MRE11: variants seen among roughly 807,000 people sequenced by gnomAD.
MRE11 encodes the protein double-strand break repair protein MRE11.
MRE11 carries 62 observed loss-of-function variants against 91.7 expected under a neutral mutation model. The observed-to-expected ratio is 0.68, with a 90% CI of 0.55 to 0.84. The LOEUF (loss-of-function observed/expected upper bound fraction) is 0.84, where lower values mean the gene tolerates loss of function less well. Among genes scored for constraint, MRE11 ranks in the 40% least tolerant of loss-of-function variants. The pLI is 0.00. For missense variants in MRE11, 796 were observed against 852.9 expected, an observed-to-expected ratio of 0.93 and a Z score of 0.83; for synonymous variants, 273 against 271.4, an observed-to-expected ratio of 1.01 and a Z score of -0.06.
At chr11:94,478,484 C>T (rs1389643675) in intron 6 of MRE11, among the ~76,000 whole-genome samples, 1 of 152,026 alleles carries the variant, frequency 6.6e-6, no homozygotes, top group East Asian at 1.9e-4. Context: ...TGCAGTTTTG[C>T]TAATTATTCT....
chr11:94,484,726 C>T (rs982754518), intron 4 of MRE11, among the ~76,000 whole-genome samples: 1 of 152,142 alleles, frequency 6.6e-6, no homozygotes, highest in South Asian at 2.1e-4. Context: ...TATTCTCCCC[C>T]AAAACCTGTA....
rs1299953525 is a variant in MRE11, at chr11:94,437,183, A to G, written c.1920T>C (p.Tyr640=). 1.2e-6 allele frequency: 2 copies of G among 1,612,288 alleles called. No homozygotes were observed. Among genetic ancestry groups the G allele is most frequent in the African/African-American group, 1.3e-5 (1 of 74,860 alleles). Reference sequence around the variant, plus strand: ...ATAAAACTTTTTTTCTTACCTCTGAATAATTCTTAGTAGTGACATTTCGGG... The same window carrying G: ...ATAAAACTTTTTTTCTTACCTCTGAGTAATTCTTAGTAGTGACATTTCGGG... ...QPSRNVTTKN[Y]SEVIEVDESD... Residue 640 remains tyrosine (Y), a synonymous_variant, in exon 17 of 20, where the codon TAT becomes TAC. Coordinates refer to ENST00000323929, the MANE Select transcript of MRE11 (RefSeq NM_005591.4).
chr11:94,498,122 A>G (rs773323949), upstream of MRE11: 2 of 1,614,068 alleles, frequency 1.2e-6, no homozygotes, highest in South Asian at 1.1e-5. Context: ...CGTGAACACT[A>G]GGGATGAAGA....
chr11:94,434,310 G>A (rs967963635), intron 18 of MRE11, among the ~76,000 whole-genome samples: 5 of 151,940 alleles, frequency 3.3e-5, no homozygotes, highest in African/African-American at 1.2e-4. Context: ...ATTCTCAGTG[G>A]GGTCAGTATC....
At chr11:94,493,142 C>T (rs1339050950) in intron 1 of MRE11, among the ~76,000 whole-genome samples, 1 of 152,042 alleles carries the variant, frequency 6.6e-6, no homozygotes, top group African/African-American at 2.4e-5. Flanking sequence ...TCCTATTTTC[C>T]TTTCCCGTGC....
At chr11:94,435,744 A>G in intron 18 of MRE11, 88 bp downstream of exon 18, 4 of 1,120,338 alleles carry the variant, frequency 3.6e-6, no homozygotes, top group East Asian at 2.4e-5. Flanking sequence ...TTAAACTTAC[A>G]TGGCATAGAA....
the MRE11 span, among the ~76,000 whole-genome samples, chr11:94,511,852 G>A: frequency 6.6e-6 from 1 of 152,140 alleles, no homozygotes; most frequent in Non-Finnish European, 1.5e-5. Flanking sequence ...TTTTCTACTT[G>A]CTCTTCAAAT....
At chr11:94,431,659 A>C (rs1945464816) in intron 18 of MRE11, among the ~76,000 whole-genome samples, 1 of 152,234 alleles carries the variant, frequency 6.6e-6, no homozygotes, top group Non-Finnish European at 1.5e-5. Context: ...TTACTTAGCC[A>C]CTGTGCTTCA....
At chr11:94,431,845 G>T (rs997381453) in intron 18 of MRE11, among the ~76,000 whole-genome samples, 39 of 152,222 alleles carry the variant, frequency 2.6e-4, no homozygotes, top group African/African-American at 8.7e-4. Flanking sequence ...GAAATCGGCA[G>T]ACATTTATAC....
intron 13 of MRE11, among the ~76,000 whole-genome samples, chr11:94,458,610 A>T (rs1450296518): frequency 6.6e-6 from 1 of 152,174 alleles, no homozygotes; most frequent in East Asian, 1.9e-4. Flanking sequence ...GCTGAGTTAA[A>T]GGGTAAATCT....
chr11:94,495,642 G>A (rs1000055780), upstream of MRE11, among the ~76,000 whole-genome samples: 15 of 152,182 alleles, frequency 9.9e-5, no homozygotes, highest in Admixed American at 5.2e-4. Flanking sequence ...TATATGTTGT[G>A]TAACCCTTTA....
intron 5 of MRE11, among the ~76,000 whole-genome samples, chr11:94,479,168 A>G (rs1370743616): frequency 2.0e-5 from 3 of 152,234 alleles, no homozygotes; most frequent in African/African-American, 7.2e-5. Context: ...AATGCTTTGT[A>G]ATATTAAGCA....
At chr11:94,497,204 G>C, upstream of MRE11, 4 of 545,456 alleles carry the variant, frequency 7.3e-6, no homozygotes, top group Middle Eastern at 4.4e-4. Flanking sequence ...AAAGTCATTA[G>C]GATCATTTAG....
intron 16 of MRE11, among the ~76,000 whole-genome samples, chr11:94,438,882 G>A (rs933180959): frequency 6.6e-6 from 1 of 152,208 alleles, no homozygotes; most frequent in African/African-American, 2.4e-5. Flanking sequence ...CAGATAGAAA[G>A]CATTCAAATA....
chr11:94,504,989 A>AAGATTATAATGGAGC, the MRE11 span, among the ~76,000 whole-genome samples: 4 of 152,194 alleles, frequency 2.6e-5, no homozygotes, highest in Non-Finnish European at 5.9e-5. Flanking sequence ...AAAATTTCCT[A>AAGATTATAATGGAGC]TCACCCAGTG....
chr11:94,474,597 A>T (rs1323671940), intron 7 of MRE11, among the ~76,000 whole-genome samples: 1 of 152,222 alleles, frequency 6.6e-6, no homozygotes, highest in Non-Finnish European at 1.5e-5. Context: ...TGCTAAAATT[A>T]GCGAGTAAAA....
rs863224734 is a variant in MRE11 at position 94,464,103 on chromosome 11, A to C, written c.1225+10T>G. On this transcript the variant is annotated intron_variant, in intron 11 of 19. Coordinates refer to ENST00000323929, the MANE Select transcript of MRE11 (RefSeq NM_005591.4). ...AACATTTTTTTACCTCATAAAAATA[A>C]CTAGCTTACCTGTTTTTTCCTTTTG... 9 of 1,612,098 alleles carry C rather than the reference A, an allele frequency of 5.6e-6. No homozygotes were observed. Among genetic ancestry groups the C allele is most frequent in the Non-Finnish European group, 7.6e-6 (9 of 1,179,380 alleles).
intron 9 of MRE11, among the ~76,000 whole-genome samples, chr11:94,469,131 C>T (rs1177642331): frequency 1.3e-5 from 2 of 150,838 alleles, no homozygotes; most frequent in Non-Finnish European, 2.9e-5. Context: ...AAATGAACCT[C>T]TATTACTTTG....
At chr11:94,478,696 T>C (rs758632917) in intron 6 of MRE11, 39 bp downstream of exon 6, 76 of 1,608,376 alleles carry the variant, frequency 4.7e-5, no homozygotes, top group Non-Finnish European at 6.0e-5. Flanking sequence ...GTTTAAAGAA[T>C]CACACATGGA....
Sources: allele counts gnomAD v4.1 joint callset (sites outside exome capture counted in the v4.1 genomes callset), GRCh38; gene constraint gnomAD v4.1.1; transcripts MANE v1.5; gene names NCBI Gene and HGNC (gene_info 2026-07-23, HGNC 2026-07-21).